GBX1: variants seen among roughly 807,000 people sequenced by gnomAD.
The protein encoded by GBX1 is gastrulation brain homeobox 1.
Under a neutral mutation model 22.9 loss-of-function variants are expected in GBX1, and 9 were observed. The observed-to-expected ratio is 0.39, with a 90% CI of 0.24 to 0.69. The LOEUF is 0.69. Ranked by LOEUF, GBX1 falls within the 30% of genes least tolerant of loss-of-function variation. GBX1 has a pLI of 0.43. For synonymous variants in GBX1, 203 were observed against 227.3 expected (o/e 0.89, Z 0.96); for missense variants, 494 against 509.2 (o/e 0.97, Z 0.29).
chr7:151,150,344 G>A (rs536258054), intron 1 of GBX1, among the ~76,000 whole-genome samples: 1 of 152,310 alleles, frequency 6.6e-6, no homozygotes, highest in East Asian at 1.9e-4. Flanking sequence ...AGGAGAACAA[G>A]AGAAAATGGA....
intron 1 of GBX1, among the ~76,000 whole-genome samples, chr7:151,163,570 T>C (rs542506910): frequency 1.8e-4 from 28 of 152,356 alleles, no homozygotes; most frequent in African/African-American, 6.7e-4. Context: ...GAAAAGAAGA[T>C]ATAAAATTAT....
chr7:151,149,635 C>A (rs1801055060), intron 1 of GBX1: 1 of 281,530 alleles, frequency 3.6e-6, no homozygotes. Flanking sequence ...TGAAGCAATG[C>A]AGAAGAACTG....
Position 151,167,159 on chromosome 7 carries a change from GGCGGCGGCGGCGGCA to G in GBX1, c.375_389del (p.Ala126_Ala130del), listed in dbSNP as rs767743298. Reference sequence around the variant, plus strand: ...GCTCGGGGTTGTTTCGGGCGGCAGTGGCGGCGGCGGCGGCAGCGGCGGCGGCGAGCTCCTGGGGCC... The same window carrying G: ...GCTCGGGGTTGTTTCGGGCGGCAGTGGCGGCGGCGGCGAGCTCCTGGGGCC... On this transcript the variant is annotated inframe_deletion, in exon 1 of 2. Coordinates refer to ENST00000297537, the MANE Select transcript of GBX1 (RefSeq NM_001098834.3). The surrounding 1 kb of genome is among the most constrained non-coding windows in gnomAD (Gnocchi z 5.9). 30 of 1,548,976 alleles carry G rather than the reference GGCGGCGGCGGCGGCA, an allele frequency of 1.9e-5. No homozygotes were observed. The highest frequency in any genetic ancestry group is 4.2e-5 in the African/African-American group (3 of 71,000).
In GBX1 at chr7:151,167,487, G is replaced by A. The variant is rs1318418440; in HGVS notation, c.62C>T (p.Pro21Leu). The change falls in exon 1 of 2, where the codon CCG (proline) becomes CTG (leucine). Residue 21 changes from proline to leucine, a missense_variant. By Grantham distance (98) the Pro-to-Leu change is moderately conservative. Around this residue, in one of 3 missense-constraint regions of GBX1, gnomAD observed 365 missense variants for 340.4 expected, o/e 1.07. Transcript: ENST00000297537. The surrounding 1 kb of genome is among the most constrained non-coding windows in gnomAD (Gnocchi z 5.9). ...GGAGTCGATGGAGAAGGCAGTGCCC[G>A]GGCCCCCGCCGCCGCCCCCGCCGTT... ...GGNGGGGGGG[P>L]GTAFSIDSLI... is the part of the protein sequence containing the mutation. The A allele has an allele frequency of 8.1e-6, 12 of 1,489,956 alleles. No individual in the cohort carries two copies. Among genetic ancestry groups the A allele is most frequent in the East Asian group, 2.8e-5 (1 of 35,648 alleles). The allele number at this position is 1,489,956 out of a possible 1,614,324, so 92.3% of individuals were successfully genotyped here.
Position 151,167,693 on chromosome 7 carries a change from G to T in GBX1, c.-145C>A. On this transcript the variant is annotated 5_prime_UTR_variant, in exon 1 of 2. Coordinates refer to ENST00000297537, the MANE Select transcript of GBX1 (RefSeq NM_001098834.3). This position sits in a 1 kb window ranked among gnomAD's most constrained non-coding sequence, Gnocchi z 5.9. ...CGGCGGGGCGCGGGCTCGGCGCAGT[G>T]TGGCTCCGGCGCCGCGCTCCCTCTC... 1.2e-6 allele frequency: 1 copy of T among 823,060 alleles called. No homozygotes were observed. The highest frequency in any genetic ancestry group is 1.5e-6 in the Non-Finnish European group (1 of 661,202). 51.0% of individuals were successfully genotyped at this position (823,060 alleles called of 1,614,324 possible).
In GBX1 at chr7:151,167,672, G is replaced by C; in HGVS notation, c.-124C>G. ...CTGGCTCCCGGGCCGAGGTGGCGGC[G>C]GGGCGCGGGCTCGGCGCAGTGTGGC... On this transcript the variant is annotated 5_prime_UTR_variant, in exon 1 of 2. Transcript: ENST00000297537. This position sits in a 1 kb window ranked among gnomAD's most constrained non-coding sequence, Gnocchi z 5.9. 1 of 1,013,618 alleles carries C rather than the reference G, an allele frequency of 9.9e-7. No individual in the cohort carries two copies. The highest frequency in any genetic ancestry group is 1.2e-6 in the Non-Finnish European group (1 of 826,326). The allele number at this position is 1,013,618 out of a possible 1,614,324, so 62.8% of individuals were successfully genotyped here.
At position 151,150,893 on chromosome 7, in the gene GBX1, T is replaced by C. The variant is rs189975221; in HGVS notation, c.539-1751A>G. 4.6e-5 allele frequency among the ~76,000 whole-genome samples: 7 copies of C among 152,134 alleles called. No individual in the cohort carries two copies. The South Asian group carries it at 6.2e-4, about 14-fold the overall frequency. On this transcript the variant is annotated intron_variant, in intron 1 of 1. Coordinates refer to ENST00000297537, the MANE Select transcript of GBX1 (RefSeq NM_001098834.3). The stretch of plus-strand genomic sequence containing the variant: ...GACCACAGGCACACACCATGCCTGG[T>C]TAATTCTGTTTATTTTTTTGTAGAG...
chr7:151,159,477 C>T (rs1405010793), intron 1 of GBX1, among the ~76,000 whole-genome samples: 2 of 152,182 alleles, frequency 1.3e-5, no homozygotes, highest in African/African-American at 2.4e-5. Flanking sequence ...CTCAACCTCT[C>T]AGACTCCAGC....
intron 1 of GBX1, among the ~76,000 whole-genome samples, chr7:151,166,160 G>A (rs1801247407): frequency 6.6e-6 from 1 of 152,150 alleles, no homozygotes; most frequent in African/African-American, 2.4e-5. Flanking sequence ...AGAGAGGTCA[G>A]GAGGGCTCTA....
chr7:151,161,131 T>C (rs1425493277), intron 1 of GBX1, among the ~76,000 whole-genome samples: 1 of 152,256 alleles, frequency 6.6e-6, no homozygotes, highest in Non-Finnish European at 1.5e-5. Flanking sequence ...TATTGTAACA[T>C]TTCTCTCAAT....
rs543505668 is a variant in GBX1, at chr7:151,164,632, C to A, written c.538+2379G>T. Among the ~76,000 whole-genome samples the A allele has an allele frequency of 1.2e-4, 19 of 152,236 alleles. No individual in the cohort carries two copies. In the East Asian group the frequency reaches 3.5e-3, roughly 28 times the overall value. ...GTGTCCCAGCCTCCCCACTATAAAC[C>A]CTTTACATGTATCTCCTCCCAGCAT... On this transcript the variant is annotated intron_variant, in intron 1 of 1. Transcript: ENST00000297537.
intron 1 of GBX1, among the ~76,000 whole-genome samples, chr7:151,159,028 C>G (rs182336424): frequency 2.6e-5 from 4 of 152,060 alleles, no homozygotes. Context: ...CCCATGCTTG[C>G]TCCTTTGCAC....
At chr7:151,149,736 T>C (rs1436800715) in intron 1 of GBX1, 1 of 344,764 alleles carries the variant, frequency 2.9e-6, no homozygotes, top group African/African-American at 2.2e-5. Flanking sequence ...AGCTGTCTCA[T>C]GGCCTCTGTT....
At chr7:151,162,315 C>A (rs868562306) in intron 1 of GBX1, among the ~76,000 whole-genome samples, 4 of 152,286 alleles carry the variant, frequency 2.6e-5, no homozygotes, top group Middle Eastern at 3.4e-3. Context: ...AAGTAAATAT[C>A]ATATCTTGAC....
At chr7:151,150,627 C>T (rs1182778576) in intron 1 of GBX1, among the ~76,000 whole-genome samples, 1 of 152,082 alleles carries the variant, frequency 6.6e-6, no homozygotes, top group Non-Finnish European at 1.5e-5. Flanking sequence ...TTCAGCACAC[C>T]CCGCCCCACC....
intron 1 of GBX1, among the ~76,000 whole-genome samples, chr7:151,156,141 T>C (rs1366026048): frequency 6.6e-6 from 1 of 152,076 alleles, no homozygotes; most frequent in Admixed American, 6.5e-5. Context: ...CCTAGCACTT[T>C]GGGAAGCCAA....
chr7:151,164,776 C>CTTTTTTTTTTTTTT (rs71533521), intron 1 of GBX1, among the ~76,000 whole-genome samples: 1 of 104,384 alleles, frequency 9.6e-6, no homozygotes, highest in African/African-American at 3.8e-5. Context: ...AAATTTCCCT[C>CTTTTTTTTTTTTTT]TTTTTTTTTT....
chr7:151,158,201 G>A (rs1309407491), intron 1 of GBX1, among the ~76,000 whole-genome samples: 1 of 152,072 alleles, frequency 6.6e-6, no homozygotes, highest in Non-Finnish European at 1.5e-5. Context: ...ATGACTCCAG[G>A]GAAAGTAAAC....
intron 1 of GBX1, among the ~76,000 whole-genome samples, chr7:151,153,814 C>T (rs1021783966): frequency 4.6e-5 from 7 of 152,024 alleles, no homozygotes; most frequent in African/African-American, 1.2e-4. Flanking sequence ...CCTCCCACCT[C>T]GGCTTCCCAA....
Sources: allele counts gnomAD v4.1 joint callset (sites outside exome capture counted in the v4.1 genomes callset), GRCh38; gene constraint gnomAD v4.1.1; regional missense constraint gnomAD v4.1.1; non-coding constraint Gnocchi (gnomAD v3.1); transcripts MANE v1.5; gene names NCBI Gene and HGNC (gene_info 2026-07-23, HGNC 2026-07-21).